The following TXNDC12 variants were observed in gnomAD, a reference collection of about 807,000 sequenced individuals.
TXNDC12 encodes the protein thioredoxin domain containing 12, also known as thioredoxin domain-containing protein 12.
In TXNDC12, 22 loss-of-function variants were observed where a neutral mutation model predicts 24.2. The ratio of observed to expected loss-of-function variants is 0.91; its 90% CI spans 0.65 to 1.30. The LOEUF (loss-of-function observed/expected upper bound fraction) is 1.30, where lower values mean the gene tolerates loss of function less well. Ranked by LOEUF, TXNDC12 falls within the 50% of genes most tolerant of loss-of-function variation. The pLI is 0.00. For synonymous variants in TXNDC12, 58 were observed against 73.4 expected, an observed-to-expected ratio of 0.79 and a Z score of 1.07; for missense variants, 184 against 205.8, an observed-to-expected ratio of 0.89 and a Z score of 0.65.
At chr1:52,034,952 C>T (rs562925009) in intron 2 of TXNDC12, among the ~76,000 whole-genome samples, 8 of 151,776 alleles carry the variant, frequency 5.3e-5, no homozygotes, top group East Asian at 3.9e-4. Context: ...TTAGTAGAGA[C>T]GGGGTTTCAC....
At chr1:52,044,629 A>G (rs1468678035) in intron 1 of TXNDC12, among the ~76,000 whole-genome samples, 1 of 152,258 alleles carries the variant, frequency 6.6e-6, no homozygotes, top group Admixed American at 6.5e-5. Flanking sequence ...TGAAATGTTT[A>G]AAGAAATAAC....
In TXNDC12 at chr1:52,032,901, T is replaced by G. The variant is rs754634854; in HGVS notation, c.159-4271A>C. Reference sequence around the variant, plus strand: ...CCCCGGGGACAGCGCTCTTCTGCGCTTCCATCAATCCGGCCAGTACTTGAC... The same window carrying G: ...CCCCGGGGACAGCGCTCTTCTGCGCGTCCATCAATCCGGCCAGTACTTGAC... On this transcript the variant is annotated intron_variant, in intron 2 of 6. Transcript: ENST00000371626. 1.2e-5 allele frequency: 20 copies of G among 1,612,542 alleles called. No homozygotes were observed. In the South Asian group the frequency reaches 2.1e-4, roughly 17 times the overall value.
chr1:52,033,415 C>T (rs754347020), intron 2 of TXNDC12: 1 of 1,451,428 alleles, frequency 6.9e-7, no homozygotes, highest in African/African-American at 1.5e-5. Context: ...CACCTGAGGT[C>T]CCGCGATCGG....
At chr1:52,025,890 C>T (rs1427223196) in intron 4 of TXNDC12, among the ~76,000 whole-genome samples, 4 of 150,366 alleles carry the variant, frequency 2.7e-5, no homozygotes, top group South Asian at 2.1e-4. Context: ...AGTGCAGTGG[C>T]GCGATCTCAG....
chr1:52,041,628 A>C lies in TXNDC12; in HGVS notation c.98-31T>G, dbSNP rs77781042. Reference sequence around the variant, plus strand: ...AGGAAAGAACTTTATAAGCATTCACATAATGAACAAAGGGCACAGTCCCAA... The same window carrying C: ...AGGAAAGAACTTTATAAGCATTCACCTAATGAACAAAGGGCACAGTCCCAA... On this transcript the variant is annotated intron_variant, in intron 1 of 6. Transcript: ENST00000371626. The C allele has an allele frequency of 1.6e-3, 2,452 of 1,493,432 alleles. 39 individuals are homozygous for C. The African/African-American group carries it at 0.03, about 18-fold the overall frequency. The allele number at this position is 1,493,432 out of a possible 1,614,324, so 92.5% of individuals were successfully genotyped here. A position where few individuals can be genotyped will look rare whatever the true frequency, so the allele number is the denominator to read the frequency against.
At chr1:52,048,659 G>A (rs1346483144) in intron 1 of TXNDC12, among the ~76,000 whole-genome samples, 1 of 151,874 alleles carries the variant, frequency 6.6e-6, no homozygotes, top group African/African-American at 2.4e-5. Context: ...TTGAGTTCAG[G>A]AGTTCAAGAC....
At chr1:52,031,929 A>G (rs967657599) in intron 2 of TXNDC12, among the ~76,000 whole-genome samples, 13 of 152,218 alleles carry the variant, frequency 8.5e-5, no homozygotes, top group African/African-American at 3.1e-4. Context: ...GAAATGCAGA[A>G]TGAAGCAAAA....
chr1:52,035,491 G>A (rs114426148), intron 2 of TXNDC12, among the ~76,000 whole-genome samples: 2,360 of 152,238 alleles, frequency 0.016, 27 homozygotes, highest in Middle Eastern at 0.031. Context: ...TAGATCACCT[G>A]AGGTCAGGAG....
chr1:52,030,563 C>T (rs1027111109), intron 2 of TXNDC12: 1 of 152,192 alleles, frequency 6.6e-6, no homozygotes, highest in Non-Finnish European at 1.5e-5. Flanking sequence ...TTATCAGAAA[C>T]AAAAGGTAGT....
At chr1:52,051,800 A>G (rs1228800232) in intron 1 of TXNDC12, 3 of 169,314 alleles carry the variant, frequency 1.8e-5, no homozygotes, top group Non-Finnish European at 4.4e-5. Context: ...GTCCGGAAAC[A>G]TCTGGGAAGA....
chr1:52,030,148 T>C (rs1685728735), intron 2 of TXNDC12, among the ~76,000 whole-genome samples: 1 of 151,862 alleles, frequency 6.6e-6, no homozygotes. Flanking sequence ...GGCTGGAGGA[T>C]CACTTGAGCT....
At chr1:52,054,088 G>T (rs989837469) in intron 1 of TXNDC12, among the ~76,000 whole-genome samples, 1 of 152,098 alleles carries the variant, frequency 6.6e-6, no homozygotes, top group African/African-American at 2.4e-5. Flanking sequence ...ATGAAGGAAT[G>T]ATTGCATTCA....
At chr1:52,021,158 G>T (rs1685591378) in intron 6 of TXNDC12, 146 bp from the exon 7 acceptor site, 1 of 606,670 alleles carries the variant, frequency 1.6e-6, no homozygotes, top group African/African-American at 1.9e-5. Context: ...TTTGGCCCTG[G>T]CAAGTCATTT....
chr1:52,038,230 C>T (rs1443780735), intron 2 of TXNDC12, among the ~76,000 whole-genome samples: 1 of 151,960 alleles, frequency 6.6e-6, no homozygotes, highest in African/African-American at 2.4e-5. Flanking sequence ...AGGCAGATAT[C>T]CTTTCTCTTC....
At chr1:52,025,258 G>A (rs1372421000) in intron 4 of TXNDC12, among the ~76,000 whole-genome samples, 4 of 150,166 alleles carry the variant, frequency 2.7e-5, no homozygotes, top group South Asian at 2.1e-4. Flanking sequence ...TCGCTCTGTC[G>A]CCCAGGCTGG....
intron 4 of TXNDC12, among the ~76,000 whole-genome samples, chr1:52,026,998 T>C (rs1463326653): frequency 6.6e-6 from 1 of 151,758 alleles, no homozygotes; most frequent in African/African-American, 2.4e-5. Context: ...ATCGCACCAC[T>C]GCACTCCAGC....
At chr1:52,033,765 C>G in intron 2 of TXNDC12, 1 of 1,575,878 alleles carries the variant, frequency 6.3e-7, no homozygotes, top group Non-Finnish European at 8.6e-7. Flanking sequence ...GCGGCATCCT[C>G]TCAGGGAGCG....
At chr1:52,046,974 C>T (rs1017061092) in intron 1 of TXNDC12, among the ~76,000 whole-genome samples, 4 of 150,848 alleles carry the variant, frequency 2.7e-5, no homozygotes, top group East Asian at 1.9e-4. Context: ...ACTTGGGAGG[C>T]GAAGGTTGCA....
At chr1:52,054,359 G>A (rs1034047140) in intron 1 of TXNDC12, among the ~76,000 whole-genome samples, 1 of 152,188 alleles carries the variant, frequency 6.6e-6, no homozygotes, top group African/African-American at 2.4e-5. Context: ...ACTTAGAATG[G>A]AGATGTAGGT....
Sources: gnomAD v4.1 joint callset for allele counts (sites outside exome capture counted in the v4.1 genomes callset) on GRCh38, gnomAD v4.1.1 for gene constraint, MANE v1.5 for transcripts, NCBI Gene and HGNC (gene_info 2026-07-23, HGNC 2026-07-21) for gene names.